The following GOLM2 variants were observed in gnomAD, a reference collection of about 807,000 sequenced individuals.
GOLM2 encodes the protein golgi membrane protein 2, also known as protein GOLM2.
GOLM2 carries 26 observed loss-of-function variants against 55.9 expected under a neutral mutation model. The observed-to-expected ratio is 0.47, with a 90% CI of 0.34 to 0.65. The LOEUF (loss-of-function observed/expected upper bound fraction) is 0.65, where lower values mean the gene tolerates loss of function less well. Among genes scored for constraint, GOLM2 ranks in the 30% least tolerant of loss-of-function variants. The pLI is 0.01. For synonymous variants in GOLM2, 165 were observed against 194.6 expected, an observed-to-expected ratio of 0.85 and a Z score of 1.27; for missense variants, 486 against 531.8, an observed-to-expected ratio of 0.91 and a Z score of 0.85.
At chr15:44,296,211 G>A (rs1275965728) in intron 1 of GOLM2, among the ~76,000 whole-genome samples, 3 of 152,172 alleles carry the variant, frequency 2.0e-5, no homozygotes, top group African/African-American at 7.2e-5. Flanking sequence ...GCACCACTGT[G>A]CTTGGCTCCT....
Position 44,289,490 on chromosome 15 carries a change from AAC to A in GOLM2, c.327+135_327+136del. ...CCTGAAGGCTCCTTTCACCCCCAAC[AAC>A]CCTGTTTCTGTCAGACTTTTCCCAG... On this transcript the variant is annotated intron_variant, in intron 1 of 9. Coordinates refer to ENST00000299957, the MANE Select transcript of GOLM2 (RefSeq NM_138423.4). This position sits in a 1 kb window ranked among gnomAD's most constrained non-coding sequence, Gnocchi z 4.8. 1.3e-6 allele frequency: 1 copy of A among 792,034 alleles called. No homozygotes were observed. The highest frequency in any genetic ancestry group is 1.7e-5 in the African/African-American group (1 of 57,506). 49.1% of individuals were successfully genotyped at this position (792,034 alleles called of 1,614,324 possible).
At chr15:44,291,964 GT>G (rs1284471980) in intron 1 of GOLM2, among the ~76,000 whole-genome samples, 1 of 152,030 alleles carries the variant, frequency 6.6e-6, no homozygotes, top group Non-Finnish European at 1.5e-5. Flanking sequence ...ATTCAATTTT[GT>G]TTAACTCAGT....
At chr15:44,319,546 A>G (rs759612448) in intron 1 of GOLM2, among the ~76,000 whole-genome samples, 1 of 152,000 alleles carries the variant, frequency 6.6e-6, no homozygotes, top group Middle Eastern at 3.4e-3. Flanking sequence ...GATACCCCAT[A>G]GTAATGTGTG....
At chr15:44,398,364 G>A (rs1157815858) in intron 8 of GOLM2, among the ~76,000 whole-genome samples, 1 of 152,070 alleles carries the variant, frequency 6.6e-6, no homozygotes, top group Non-Finnish European at 1.5e-5. Context: ...GGAATGCAGT[G>A]GTATGATCAT....
At chr15:44,395,013 CTT>C (rs869125078) in intron 8 of GOLM2, among the ~76,000 whole-genome samples, 5 of 145,080 alleles carry the variant, frequency 3.4e-5, no homozygotes, top group Admixed American at 6.9e-5. Flanking sequence ...AAAATATAAA[CTT>C]TTTTTTTTTT....
In GOLM2 at chr15:44,380,977, G is replaced by A. The variant is rs1446207889; in HGVS notation, c.1072+1G>A. 1.9e-6 allele frequency: 3 copies of A among 1,543,454 alleles called. No homozygotes were observed. The highest frequency in any genetic ancestry group is 2.6e-6 in the Non-Finnish European group (3 of 1,143,662). On this transcript the variant is annotated splice_donor_variant, in intron 8 of 9. Coordinates refer to ENST00000299957, the MANE Select transcript of GOLM2 (RefSeq NM_138423.4). LOFTEE classifies it high-confidence loss of function. Reference sequence around the variant, plus strand: ...AGTGATTTCCATAAATTGAAGCAAAGTAAGAATCAATTGATGAATATTATG... The same window carrying A: ...AGTGATTTCCATAAATTGAAGCAAAATAAGAATCAATTGATGAATATTATG...
At chr15:44,394,493 C>T (rs1237572331) in intron 8 of GOLM2, among the ~76,000 whole-genome samples, 1 of 152,158 alleles carries the variant, frequency 6.6e-6, no homozygotes, top group African/African-American at 2.4e-5. Context: ...TTTCTCTTTA[C>T]CTTCCACAAG....
intron 6 of GOLM2, among the ~76,000 whole-genome samples, chr15:44,369,961 A>C (rs373149358): frequency 6.6e-6 from 1 of 152,178 alleles, no homozygotes; most frequent in South Asian, 2.1e-4. Context: ...TTGAGGAGCA[A>C]GGAGAGCCAG....
At chr15:44,302,663 A>T (rs1464689666) in intron 1 of GOLM2, among the ~76,000 whole-genome samples, 2 of 150,326 alleles carry the variant, frequency 1.3e-5, no homozygotes, top group African/African-American at 2.4e-5. Context: ...GCTAATTTTT[A>T]TTTTTTTTGT....
In GOLM2 at chr15:44,338,300, T is replaced by C; in HGVS notation, c.785T>C (p.Val262Ala). Residue 262 changes from valine (V) to alanine (A), a missense_variant, in exon 6 of 10, where the codon GTT (valine) becomes GCT (alanine). Physicochemically the swap from Val to Ala is moderately conservative, Grantham distance 64. Transcript: ENST00000299957. The part of the protein sequence containing the change: ...PGIEENDLAK[V>A]DDLPPALRKP... Reference sequence around the variant, plus strand: ...ATAGAAGAGAATGACCTAGCAAAAGTTGATGATCTTCCCCCTGGTAAGTAA... The same window carrying C: ...ATAGAAGAGAATGACCTAGCAAAAGCTGATGATCTTCCCCCTGGTAAGTAA... The C allele has an allele frequency of 6.2e-7, 1 of 1,613,368 alleles. No individual in the cohort carries two copies. Among genetic ancestry groups the C allele is most frequent in the Non-Finnish European group, 8.5e-7 (1 of 1,179,416 alleles).
chr15:44,385,774 T>C (rs1595661865), intron 8 of GOLM2, among the ~76,000 whole-genome samples: 4 of 152,246 alleles, frequency 2.6e-5, no homozygotes, highest in African/African-American at 9.6e-5. Context: ...CCCTGGCTGG[T>C]CTCCAACTCC....
At chr15:44,359,759 C>T (rs2079223903) in intron 6 of GOLM2, among the ~76,000 whole-genome samples, 1 of 152,040 alleles carries the variant, frequency 6.6e-6, no homozygotes, top group Non-Finnish European at 1.5e-5. Context: ...GTCAGATTCA[C>T]CAAAGTTGAA....
chr15:44,309,605 G>C (rs1003562966), intron 1 of GOLM2, among the ~76,000 whole-genome samples: 1 of 152,062 alleles, frequency 6.6e-6, no homozygotes, highest in African/African-American at 2.4e-5. Flanking sequence ...TTAGCAGTGG[G>C]ACTTTGTAGA....
At chr15:44,381,404 A>G (rs2079402053) in intron 8 of GOLM2, among the ~76,000 whole-genome samples, 1 of 152,222 alleles carries the variant, frequency 6.6e-6, no homozygotes, top group South Asian at 2.1e-4. Context: ...AGATTGCTCA[A>G]TACTGCTTCC....
intron 1 of GOLM2, among the ~76,000 whole-genome samples, chr15:44,319,159 C>G (rs1054201024): frequency 1.3e-5 from 2 of 152,202 alleles, no homozygotes; most frequent in African/African-American, 2.4e-5. Flanking sequence ...TGACTCCCCT[C>G]CTAAATAGTA....
intron 2 of GOLM2, among the ~76,000 whole-genome samples, chr15:44,325,983 G>T (rs2078978109): frequency 6.6e-6 from 1 of 152,098 alleles, no homozygotes; most frequent in African/African-American, 2.4e-5. Flanking sequence ...GAGAAATTTG[G>T]CTGGGCACGG....
At chr15:44,403,175 T>C (rs1030276629) in intron 9 of GOLM2, 121 bp downstream of exon 9, 4 of 1,182,184 alleles carry the variant, frequency 3.4e-6, no homozygotes, top group Non-Finnish European at 1.2e-6. Context: ...TTTTGTTTTT[T>C]CTTTGTGACG....
intron 1 of GOLM2, among the ~76,000 whole-genome samples, chr15:44,319,869 G>A (rs1182697667): frequency 2.0e-5 from 3 of 152,164 alleles, no homozygotes; most frequent in African/African-American, 7.2e-5. Flanking sequence ...GATTACAGGC[G>A]TGAGCCACTG....
intron 8 of GOLM2, among the ~76,000 whole-genome samples, chr15:44,395,969 G>GTAGGCCT (rs1456041489): frequency 3.9e-5 from 6 of 152,114 alleles, no homozygotes; most frequent in Non-Finnish European, 7.3e-5. Flanking sequence ...ATAGGTCAGT[G>GTAGGCCT]ATACCATGTA....
Sources: gnomAD v4.1 joint callset for allele counts (sites outside exome capture counted in the v4.1 genomes callset) on GRCh38, gnomAD v4.1.1 for gene constraint, Gnocchi (gnomAD v3.1) non-coding constraint, MANE v1.5 for transcripts, NCBI Gene and HGNC (gene_info 2026-07-23, HGNC 2026-07-21) for gene names.